The following MTRR variants were observed in gnomAD, a reference collection of about 807,000 sequenced individuals.
MTRR encodes methionine synthase reductase.
In MTRR, 63 loss-of-function variants were observed where a neutral mutation model predicts 79.2. The observed-to-expected ratio is 0.80, with a 90% CI of 0.65 to 0.98. The LOEUF is 0.98. Among genes scored for constraint, MTRR ranks in the 50% least tolerant of loss-of-function variants. MTRR has a pLI of 0.00. For synonymous variants in MTRR, 355 were observed against 313.3 expected, an observed-to-expected ratio of 1.13 and a Z score of -1.41; for missense variants, 895 against 839.6, an observed-to-expected ratio of 1.07 and a Z score of -0.82.
chr5:7,896,493 A>G (rs34966478), intron 12 of MTRR: 49,115 of 307,102 alleles, frequency 0.16, 4,649 homozygotes, highest in Non-Finnish European at 0.2. Context: ...TTTCGTAGAC[A>G]CTTTACACAT....
rs1579853567 is a variant in MTRR at position 7,900,138 on chromosome 5, A to C, written c.*80A>C. 6.5e-7 allele frequency: 1 copy of C among 1,526,832 alleles called. No individual in the cohort carries two copies. The highest frequency in any genetic ancestry group is 2.3e-5 in the East Asian group (1 of 44,090). 94.6% of individuals were successfully genotyped at this position (1,526,832 alleles called of 1,614,324 possible). ...CAGCTTTACTAGTGCCAAACCTTTA[A>C]ATTTTCAAAAGAAAATTTTCTTTCA... On this transcript the variant is annotated 3_prime_UTR_variant, in exon 15 of 15. Coordinates refer to ENST00000440940, the MANE Select transcript of MTRR (RefSeq NM_002454.3).
intron 5 of MTRR, among the ~76,000 whole-genome samples, chr5:7,880,060 G>C (rs1235214462): frequency 6.6e-6 from 1 of 152,214 alleles, no homozygotes; most frequent in African/African-American, 2.4e-5. Flanking sequence ...CCTTCACTTG[G>C]GAGGGGATGT....
At chr5:7,851,209 C>G (rs940124825) in exon 1 of MTRR, 2 of 562,122 alleles carry the variant, frequency 3.6e-6, no homozygotes, top group African/African-American at 3.9e-5. Flanking sequence ...CAGGGTGGAG[C>G]GACCCTCCCC....
chr5:7,899,806 A>G, intron 14 of MTRR, 108 bp from the exon 15 acceptor site: 3 of 1,389,408 alleles, frequency 2.2e-6, no homozygotes, highest in South Asian at 1.2e-5. Flanking sequence ...GAGAAGACGG[A>G]GGGAAGAACT....
chr5:7,850,934 A>G (rs1746060534), upstream of MTRR: 2 of 1,353,396 alleles, frequency 1.5e-6, no homozygotes, highest in South Asian at 4.9e-5. Flanking sequence ...GGCGGGATGT[A>G]GCTGAAGGCG....
upstream of MTRR, chr5:7,867,730 A>AAAACTT (rs1198057553): frequency 6.2e-7 from 1 of 1,614,216 alleles, no homozygotes; most frequent in Admixed American, 1.7e-5. Context: ...TCGTGCTTAT[A>AAAACTT]AAACTTAGCA....
At chr5:7,875,150 A>C in intron 3 of MTRR, 108 bp from the exon 4 acceptor site, 1 of 817,380 alleles carries the variant, frequency 1.2e-6, no homozygotes, top group Non-Finnish European at 2.1e-6. Context: ...TTATTACTCC[A>C]TCCATAAGAG....
At chr5:7,885,979 C>A in intron 7 of MTRR, 125 bp downstream of exon 7, 2 of 1,282,672 alleles carry the variant, frequency 1.6e-6, no homozygotes, top group African/African-American at 1.5e-5. Context: ...GGCTCAGCTG[C>A]GCATCAAGGT....
At chr5:7,898,618 G>A (rs72716538) in intron 14 of MTRR, among the ~76,000 whole-genome samples, 1,855 of 152,280 alleles carry the variant, frequency 0.012, 15 homozygotes, top group Middle Eastern at 0.037. Flanking sequence ...TTCAGAGAGG[G>A]AGCCTGTACT....
At chr5:7,893,047 T>C (rs1460815616) in intron 11 of MTRR, 134 bp downstream of exon 11, 10 of 1,082,482 alleles carry the variant, frequency 9.2e-6, no homozygotes, top group Non-Finnish European at 1.1e-5. Flanking sequence ...TTTTAAAATC[T>C]CTATTGCAAG....
At chr5:7,887,459 C>T (rs1488732028) in intron 8 of MTRR, among the ~76,000 whole-genome samples, 10 of 150,818 alleles carry the variant, frequency 6.6e-5, no homozygotes, top group East Asian at 5.8e-4. Context: ...GTTTTCGTGT[C>T]GTTTTATTAA....
rs1736299377 is a variant in MTRR at position 7,885,687 on chromosome 5, TG to T, written c.904-12del. 2 of 1,613,016 alleles carry T rather than the reference TG, an allele frequency of 1.2e-6. No homozygotes were observed. Among genetic ancestry groups the T allele is most frequent in the Non-Finnish European group, 1.7e-6 (2 of 1,179,514 alleles). ...ATAATGTATTTTTTTTTTTTCATTTTGGCTCTTCTCTAGAATACAGACTTTT... is the reference window on the plus strand; with the variant it reads ...ATAATGTATTTTTTTTTTTTCATTTTGCTCTTCTCTAGAATACAGACTTTT... On this transcript the variant is annotated splice_polypyrimidine_tract_variant and intron_variant, in intron 6 of 14. Coordinates refer to ENST00000440940, the MANE Select transcript of MTRR (RefSeq NM_002454.3).
chr5:7,878,952 A>G (rs1164648700), intron 5 of MTRR, among the ~76,000 whole-genome samples: 4 of 152,116 alleles, frequency 2.6e-5, no homozygotes, highest in Non-Finnish European at 5.9e-5. Context: ...TGCAGCTATT[A>G]CCAGTTTTAA....
At chr5:7,861,656 G>A in intron 1 of MTRR, 1 of 1,607,532 alleles carries the variant, frequency 6.2e-7, no homozygotes. Context: ...TCAACATCTG[G>A]TGAGAGAAGA....
chr5:7,855,745 T>C (rs1746228729), intron 1 of MTRR, among the ~76,000 whole-genome samples: 1 of 152,226 alleles, frequency 6.6e-6, no homozygotes, highest in Admixed American at 6.5e-5. Context: ...ATTAAGATTG[T>C]TTCTTGTAAA....
intron 2 of MTRR, among the ~76,000 whole-genome samples, chr5:7,872,948 T>G (rs1207039444): frequency 2.0e-5 from 3 of 152,188 alleles, no homozygotes; most frequent in Non-Finnish European, 4.4e-5. Context: ...AGTGCTGATT[T>G]GCCTTGCAGA....
chr5:7,861,888 G>T, intron 1 of MTRR: 1 of 693,062 alleles, frequency 1.4e-6, no homozygotes, highest in Non-Finnish European at 2.0e-6. Context: ...CCACAGAATG[G>T]GTTCTGAAGT....
upstream of MTRR, chr5:7,868,835 C>G (rs1464673492): frequency 1.9e-6 from 1 of 517,334 alleles, no homozygotes; most frequent in East Asian, 3.5e-5. Context: ...ATGAAAGGGA[C>G]CCGCGGGGCG....
Position 7,856,760 on chromosome 5 carries a change from T to C in MTRR, n.391+5175T>C, listed in dbSNP as rs1426628044. ...TTCTGGTAGGTATACTTTTTTTTTT[T>C]TTTAATTTTATTTATTTTTTTTTTA... On this transcript the variant is annotated intron_variant and non_coding_transcript_variant, in intron 1 of 3. Transcript: ENST00000502509. The C allele has an allele frequency of 3.4e-5, 5 of 145,386 alleles. No individual in the cohort carries two copies. The Admixed American group carries it at 3.5e-4, about 10-fold the overall frequency. The allele number at this position is 145,386 out of a possible 1,614,324, so 9.0% of individuals were successfully genotyped here.
Sources: allele counts gnomAD v4.1 joint callset (sites outside exome capture counted in the v4.1 genomes callset), GRCh38; gene constraint gnomAD v4.1.1; transcripts MANE v1.5; gene names NCBI Gene and HGNC (gene_info 2026-07-23, HGNC 2026-07-21).